Variants in VAT1L observed in about 807,000 individuals in gnomAD.
VAT1L encodes vesicle amine transport 1 like.
Under a neutral mutation model 44.1 loss-of-function variants are expected in VAT1L, and 34 were observed. The ratio of observed to expected loss-of-function variants is 0.77; its 90% CI spans 0.59 to 1.03. The LOEUF is 1.03. VAT1L is among the 50% of genes least tolerant of loss of function. VAT1L has a pLI of 0.00. For synonymous variants in VAT1L, 253 were observed against 202.2 expected, an observed-to-expected ratio of 1.25 and a Z score of -2.13; for missense variants, 615 against 538.8, an observed-to-expected ratio of 1.14 and a Z score of -1.40.
At chr16:77,810,262 G>A (rs1345187636) in intron 1 of VAT1L, among the ~76,000 whole-genome samples, 1 of 152,150 alleles carries the variant, frequency 6.6e-6, no homozygotes, top group Non-Finnish European at 1.5e-5. Context: ...TCCCAGATCA[G>A]CAGCATCAGC....
chr16:77,940,848 T>G (rs1343360018), intron 7 of VAT1L, among the ~76,000 whole-genome samples: 1 of 152,158 alleles, frequency 6.6e-6, no homozygotes, highest in Non-Finnish European at 1.5e-5. Flanking sequence ...CTTACATTGT[T>G]TCCTTTGCAT....
intron 1 of VAT1L, among the ~76,000 whole-genome samples, chr16:77,789,762 C>T (rs1238777064): frequency 3.3e-5 from 5 of 152,094 alleles, no homozygotes; most frequent in South Asian, 2.1e-4. Context: ...GCTCTCTAAG[C>T]TGCCCTCTAT....
intron 7 of VAT1L, among the ~76,000 whole-genome samples, chr16:77,908,039 G>A (rs2017456219): frequency 6.6e-6 from 1 of 152,160 alleles, no homozygotes; most frequent in Non-Finnish European, 1.5e-5. Flanking sequence ...AGGAGATTGA[G>A]ACCATCCTGG....
chr16:77,930,791 C>T (rs1021646392), intron 7 of VAT1L, among the ~76,000 whole-genome samples: 1 of 152,132 alleles, frequency 6.6e-6, no homozygotes, highest in Non-Finnish European at 1.5e-5. Context: ...ACACTGTTCT[C>T]TCTCCTACCC....
chr16:77,862,720 T>C (rs766584465), intron 3 of VAT1L, 28 bp from the exon 4 acceptor site: 2 of 1,608,752 alleles, frequency 1.2e-6, no homozygotes, highest in African/African-American at 1.3e-5. Flanking sequence ...CTCCTATGTG[T>C]GACATAGCTA....
At chr16:77,897,660 AG>A (rs2017338388) in intron 7 of VAT1L, among the ~76,000 whole-genome samples, 1 of 152,102 alleles carries the variant, frequency 6.6e-6, no homozygotes, top group Non-Finnish European at 1.5e-5. Flanking sequence ...TTTTTAGCAG[AG>A]TCGGGGTTTC....
At position 77,788,800 on chromosome 16, in the gene VAT1L, C is replaced by A; in HGVS notation, c.118C>A (p.Gln40Lys). The A allele has an allele frequency of 6.4e-7, 1 of 1,572,400 alleles. No homozygotes were observed. Among genetic ancestry groups the A allele is most frequent in the Non-Finnish European group, 8.6e-7 (1 of 1,159,996 alleles). ...CGGCTCGCACCGCCTCGGGGACGCC[C>A]AGGAGATGCGCGCGGTGGTGCTGGC... ...GDGSHRLGDA[Q>K]EMRAVVLAGF... Residue 40 changes from glutamine (Q) to lysine (K), a missense_variant, in exon 1 of 9, where the codon CAG (glutamine) becomes AAG (lysine). By Grantham distance (53) the Gln-to-Lys change is moderately conservative. Coordinates refer to ENST00000302536, the MANE Select transcript of VAT1L (RefSeq NM_020927.3).
At chr16:77,835,018 A>G (rs2145254503) in intron 3 of VAT1L, among the ~76,000 whole-genome samples, 1 of 152,304 alleles carries the variant, frequency 6.6e-6, no homozygotes, top group Middle Eastern at 3.4e-3. Flanking sequence ...TGTTATTGTT[A>G]TTACTGTTAA....
chr16:77,910,179 C>G (rs2017483486), intron 7 of VAT1L, among the ~76,000 whole-genome samples: 1 of 152,158 alleles, frequency 6.6e-6, no homozygotes, highest in African/African-American at 2.4e-5. Context: ...GGCCCCAGAA[C>G]CTGATGTGTA....
At chr16:77,823,926 G>T (rs1421858976) in intron 2 of VAT1L, among the ~76,000 whole-genome samples, 3 of 152,172 alleles carry the variant, frequency 2.0e-5, no homozygotes, top group Admixed American at 2.0e-4. Context: ...GGGAGGCTGA[G>T]ACAGGACAAT....
At chr16:77,945,927 G>C (rs1315104922) in intron 7 of VAT1L, among the ~76,000 whole-genome samples, 1 of 151,758 alleles carries the variant, frequency 6.6e-6, no homozygotes, top group East Asian at 1.9e-4. Context: ...TCAGCCTCTG[G>C]AGTAGCTGGG....
chr16:77,805,042 G>T (rs1049876364), intron 1 of VAT1L, among the ~76,000 whole-genome samples: 1 of 152,136 alleles, frequency 6.6e-6, no homozygotes, highest in African/African-American at 2.4e-5. Context: ...TGGTCACCAA[G>T]GGGACCAGTG....
Position 77,963,867 on chromosome 16 carries a change from G to A in VAT1L, c.1078-7983G>A, listed in dbSNP as rs1248541937. On this transcript the variant is annotated intron_variant, in intron 7 of 8. Coordinates refer to ENST00000302536, the MANE Select transcript of VAT1L (RefSeq NM_020927.3). ...GAAATGATTTGAAGCAATCAGAGAC[G>A]AGCTGTCTCACTAGCAAAGAGGACG... 3.9e-5 allele frequency among the ~76,000 whole-genome samples: 6 copies of A among 152,126 alleles called. No individual in the cohort carries two copies. In the South Asian group the frequency reaches 6.2e-4, roughly 16 times the overall value.
intron 7 of VAT1L, among the ~76,000 whole-genome samples, chr16:77,971,434 C>T (rs1462974717): frequency 6.6e-6 from 1 of 152,018 alleles, no homozygotes; most frequent in Non-Finnish European, 1.5e-5. Flanking sequence ...CAATTTAGCC[C>T]AACTACGAGT....
intron 1 of VAT1L, among the ~76,000 whole-genome samples, chr16:77,811,368 T>C (rs1374092304): frequency 6.6e-6 from 1 of 152,210 alleles, no homozygotes; most frequent in Admixed American, 6.5e-5. Flanking sequence ...CACTTAGTGA[T>C]ATCTTTTAAG....
intron 2 of VAT1L, among the ~76,000 whole-genome samples, chr16:77,818,073 C>A (rs560281544): frequency 2.0e-4 from 30 of 152,290 alleles, no homozygotes; most frequent in African/African-American, 7.2e-4. Flanking sequence ...GGATTCAAAT[C>A]ACCAGAGCTT....
chr16:77,921,768 G>A (rs1054575008), intron 7 of VAT1L, among the ~76,000 whole-genome samples: 3 of 152,112 alleles, frequency 2.0e-5, no homozygotes, highest in Non-Finnish European at 4.4e-5. Flanking sequence ...TTTTGAGACA[G>A]GATCTCACTC....
chr16:77,933,002 A>G, intron 7 of VAT1L, among the ~76,000 whole-genome samples: 1 of 152,200 alleles, frequency 6.6e-6, no homozygotes, highest in East Asian at 1.9e-4. Flanking sequence ...AACTGATCGC[A>G]TGGCCCCACC....
At chr16:77,911,207 G>T (rs900533969) in intron 7 of VAT1L, among the ~76,000 whole-genome samples, 1 of 152,202 alleles carries the variant, frequency 6.6e-6, no homozygotes, top group African/African-American at 2.4e-5. Flanking sequence ...AATATCGTTG[G>T]TTATCCCAGT....
Sources: allele counts gnomAD v4.1 joint callset (sites outside exome capture counted in the v4.1 genomes callset), GRCh38; gene constraint gnomAD v4.1.1; transcripts MANE v1.5; gene names NCBI Gene and HGNC (gene_info 2026-07-23, HGNC 2026-07-21).